Variants in STXBP5L observed in about 807,000 individuals in gnomAD.
STXBP5L encodes the protein syntaxin binding protein 5L.
A neutral mutation model predicts 144.5 loss-of-function variants in STXBP5L; 65 were observed. That is an observed-to-expected ratio of 0.45 (90% CI 0.37 to 0.55). STXBP5L has a LOEUF of 0.55. Among genes scored for constraint, STXBP5L ranks in the 20% least tolerant of loss-of-function variants. The pLI, the probability that STXBP5L is intolerant of heterozygous loss-of-function variation, is 0.00. For synonymous variants in STXBP5L, 505 were observed against 469.6 expected (o/e 1.08, Z -0.97); for missense variants, 1,298 against 1,405.5 (o/e 0.92, Z 1.22).
intron 3 of STXBP5L, among the ~76,000 whole-genome samples, chr3:121,016,238 A>G (rs1945139362): frequency 6.6e-6 from 1 of 152,224 alleles, no homozygotes; most frequent in African/African-American, 2.4e-5. Flanking sequence ...AATCATCTAA[A>G]CAGATACAGC....
At chr3:121,264,491 GA>G (rs1329450421) in intron 18 of STXBP5L, among the ~76,000 whole-genome samples, 1 of 152,180 alleles carries the variant, frequency 6.6e-6, no homozygotes, top group East Asian at 1.9e-4. Context: ...GTTTTGGAAA[GA>G]AAAAACCGGT....
intron 20 of STXBP5L, among the ~76,000 whole-genome samples, chr3:121,326,166 T>G (rs953125951): frequency 2.0e-5 from 3 of 152,020 alleles, no homozygotes; most frequent in Admixed American, 2.0e-4. Context: ...ATTATATATT[T>G]TAAGATGAAG....
chr3:121,200,134 C>T (rs1157916468), intron 9 of STXBP5L, among the ~76,000 whole-genome samples: 1 of 152,018 alleles, frequency 6.6e-6, no homozygotes, highest in Non-Finnish European at 1.5e-5. Context: ...GGTTGGTAGG[C>T]TATTAATTAC....
At chr3:121,089,217 T>G (rs902945990) in intron 5 of STXBP5L, among the ~76,000 whole-genome samples, 2 of 151,540 alleles carry the variant, frequency 1.3e-5, no homozygotes, top group Non-Finnish European at 1.5e-5. Context: ...CCATACTTGA[T>G]TTTTAAAAGT....
At chr3:121,342,810 T>C (rs1267371150) in intron 20 of STXBP5L, among the ~76,000 whole-genome samples, 6 of 147,688 alleles carry the variant, frequency 4.1e-5, no homozygotes, top group African/African-American at 5.0e-5. Context: ...TAAACATACA[T>C]GTGCATGTGT....
intron 9 of STXBP5L, among the ~76,000 whole-genome samples, chr3:121,193,413 G>T (rs2047785025): frequency 6.9e-6 from 1 of 145,074 alleles, no homozygotes; most frequent in Non-Finnish European, 1.5e-5. Flanking sequence ...AGACAGTGTG[G>T]TGATTCCTCA....
chr3:121,253,992 T>G (rs2050128083), intron 15 of STXBP5L, among the ~76,000 whole-genome samples: 2 of 151,936 alleles, frequency 1.3e-5, no homozygotes, highest in Non-Finnish European at 2.9e-5. Flanking sequence ...TCCAGGATTA[T>G]TTTTGCATTT....
chr3:121,342,365 A>T (rs1390311711), intron 20 of STXBP5L, among the ~76,000 whole-genome samples: 1 of 152,062 alleles, frequency 6.6e-6, no homozygotes, highest in African/African-American at 2.4e-5. Flanking sequence ...TTATTATTAT[A>T]CTTTAAGTTT....
In STXBP5L at chr3:121,307,052, T is replaced by C. The variant is rs1244470934; in HGVS notation, c.2111-11423T>C. 2.0e-5 allele frequency among the ~76,000 whole-genome samples: 3 copies of C among 152,144 alleles called. No individual in the cohort carries two copies. The East Asian group carries it at 5.8e-4, about 29-fold the overall frequency. ...TCACTGCCATCCCAGAGTGACTATA[T>C]ACACTGAATACTGTGCCTTCTGAGA... On this transcript the variant is annotated intron_variant, in intron 19 of 26. Transcript: ENST00000471454.
intron 22 of STXBP5L, among the ~76,000 whole-genome samples, chr3:121,405,726 A>G (rs1454579112): frequency 3.3e-5 from 5 of 152,170 alleles, no homozygotes; most frequent in Non-Finnish European, 7.4e-5. Context: ...GATTAAAGAA[A>G]GAATTCTAAA....
rs146142731 is a variant in STXBP5L, at chr3:121,253,536, A to G, written c.1442-1359A>G. Among the ~76,000 whole-genome samples, 82 of 151,260 alleles carry G rather than the reference A, an allele frequency of 5.4e-4. 2 individuals carry two copies. The East Asian group carries it at 0.012, about 23-fold the overall frequency. On this transcript the variant is annotated intron_variant, in intron 15 of 26. Coordinates refer to ENST00000471454, the MANE Select transcript of STXBP5L (RefSeq NM_001308330.2). ...AAACCAGTAGATTAACACTGACACAACACTATTATCTAATCTCCGGATTTT... is the reference window on the plus strand; with the variant it reads ...AAACCAGTAGATTAACACTGACACAGCACTATTATCTAATCTCCGGATTTT...
At chr3:120,998,483 TC>T (rs1438894261) in intron 3 of STXBP5L, among the ~76,000 whole-genome samples, 2 of 152,076 alleles carry the variant, frequency 1.3e-5, no homozygotes, top group African/African-American at 4.8e-5. Context: ...GCTGCACCCA[TC>T]AACCCATCAT....
intron 20 of STXBP5L, among the ~76,000 whole-genome samples, chr3:121,350,661 T>C (rs1018360955): frequency 1.3e-5 from 2 of 152,164 alleles, no homozygotes; most frequent in African/African-American, 4.8e-5. Context: ...TTCGTTTCTT[T>C]TTATTCTTTT....
At chr3:121,029,242 A>T (rs1946185815) in intron 3 of STXBP5L, among the ~76,000 whole-genome samples, 1 of 152,182 alleles carries the variant, frequency 6.6e-6, no homozygotes, top group Non-Finnish European at 1.5e-5. Context: ...AGCAAAAAGA[A>T]CAAAGCTGGA....
chr3:121,393,585 A>AC (rs2046650738), intron 22 of STXBP5L, among the ~76,000 whole-genome samples: 1 of 152,138 alleles, frequency 6.6e-6, no homozygotes, highest in Admixed American at 6.5e-5. Context: ...TAAATCTGTA[A>AC]TTCACCTTGA....
intron 9 of STXBP5L, among the ~76,000 whole-genome samples, chr3:121,163,671 A>G (rs2046400938): frequency 6.6e-6 from 1 of 152,180 alleles, no homozygotes; most frequent in South Asian, 2.1e-4. Context: ...CAGTATGAAA[A>G]TTATTTAAAC....
chr3:121,096,046 C>T (rs1322048433), intron 5 of STXBP5L, among the ~76,000 whole-genome samples: 1 of 152,110 alleles, frequency 6.6e-6, no homozygotes, highest in Non-Finnish European at 1.5e-5. Flanking sequence ...CCTTGTGCTT[C>T]CTGGGTGAGG....
intron 3 of STXBP5L, among the ~76,000 whole-genome samples, chr3:120,966,149 A>G (rs751261163): frequency 9.9e-5 from 15 of 152,124 alleles, no homozygotes; most frequent in Non-Finnish European, 1.8e-4. Flanking sequence ...AAGGTCTTCT[A>G]TACACTGTTT....
intron 19 of STXBP5L, chr3:121,282,317 G>A (rs564201194): frequency 6.8e-6 from 11 of 1,611,624 alleles, no homozygotes; most frequent in South Asian, 6.6e-5. Context: ...TTAACGAAAC[G>A]GATCCGTACT....
Sources: gnomAD v4.1 joint callset for allele counts (sites outside exome capture counted in the v4.1 genomes callset) on GRCh38, gnomAD v4.1.1 for gene constraint, MANE v1.5 for transcripts, NCBI Gene and HGNC (gene_info 2026-07-23, HGNC 2026-07-21) for gene names.